Variants in TKFC observed in about 807,000 individuals in gnomAD.
TKFC encodes the protein triokinase and FMN cyclase.
In TKFC, 46 loss-of-function variants were observed where a neutral mutation model predicts 61.0. That is an observed-to-expected ratio of 0.75 (90% confidence interval 0.60 to 0.96). TKFC has a LOEUF of 0.96. Among genes scored for constraint, TKFC ranks in the 50% least tolerant of loss-of-function variants. The pLI, the probability that TKFC is intolerant of heterozygous loss-of-function variation, is 0.00. For synonymous variants in TKFC, 314 were observed against 330.1 expected (o/e 0.95, Z 0.53); for missense variants, 715 against 777.5 (o/e 0.92, Z 0.96).
chr11:61,338,431 C>G (rs907786561), intron 3 of TKFC, among the ~76,000 whole-genome samples: 3 of 152,192 alleles, frequency 2.0e-5, no homozygotes, highest in Non-Finnish European at 4.4e-5. Context: ...CACCCCGATT[C>G]CATGAAGGCT....
rs1156672771 is a variant in TKFC, at chr11:61,347,406, G to A, written c.*903G>A. The stretch of plus-strand genomic sequence containing the variant: ...AAAAATACAAAATTAGCCAGGCATA[G>A]TAGTGTGTGCCTATAGTCCTAACTT... On this transcript the variant is annotated 3_prime_UTR_variant, in exon 18 of 18. Coordinates refer to ENST00000394900, the MANE Select transcript of TKFC (RefSeq NM_015533.4). 12 of 858,816 alleles carry A rather than the reference G, an allele frequency of 1.4e-5. No individual in the cohort carries two copies. The highest frequency in any genetic ancestry group is 1.7e-5 in the Non-Finnish European group (12 of 714,678). The allele number at this position is 858,816 out of a possible 1,614,324, so 53.2% of individuals were successfully genotyped here. A position where few individuals can be genotyped will look rare whatever the true frequency, so the allele number is the denominator to read the frequency against.
intron 2 of TKFC, among the ~76,000 whole-genome samples, chr11:61,337,538 G>GT (rs1856662165): frequency 6.6e-6 from 1 of 152,196 alleles, no homozygotes; most frequent in South Asian, 2.1e-4. Context: ...GGGAGCAGCG[G>GT]TGGCTGTGGA....
rs769907742 is a variant in TKFC, at chr11:61,345,259, G to A, written c.1241-1G>A. On this transcript the variant is annotated splice_acceptor_variant, in intron 13 of 17. Coordinates refer to ENST00000394900, the MANE Select transcript of TKFC (RefSeq NM_015533.4). LOFTEE classifies it high-confidence loss of function. ...TCCTCCCCATCTCTCTCTGCCTGCA[G>A]CAATCCAGGAGTGGCTGAAGGAGGG... The A allele has an allele frequency of 6.5e-7, 1 of 1,544,638 alleles. No individual in the cohort carries two copies. Among genetic ancestry groups the A allele is most frequent in the Non-Finnish European group, 8.7e-7 (1 of 1,143,536 alleles).
intron 3 of TKFC, 22 bp downstream of exon 3, chr11:61,338,152 A>G (rs767943728): frequency 6.4e-7 from 1 of 1,552,138 alleles, no homozygotes; most frequent in East Asian, 2.3e-5. Context: ...GGGGTGGGGC[A>G]GGGGGTACTA....
Position 61,345,364 on chromosome 11 carries a change from G to A in TKFC, c.1345G>A (p.Ala449Thr), listed in dbSNP as rs568743065. 1 of 1,600,772 alleles carries A rather than the reference G, an allele frequency of 6.2e-7. No homozygotes were observed. The highest frequency in any genetic ancestry group is 1.7e-5 in the Admixed American group (1 of 59,572). Residue 449 changes from alanine (A) to threonine (T), a missense_variant and splice_region_variant, in exon 14 of 18, where the codon GCG becomes ACG. Ala to Thr is a moderately conservative substitution (Grantham distance 58). Transcript: ENST00000394900. ...GGAGAAGATGGGAGGCTCATCTGGGGCGGTGGGTGCCTGGGGGCTGAAGGG... is the reference window on the plus strand; with the variant it reads ...GGAGAAGATGGGAGGCTCATCTGGGACGGTGGGTGCCTGGGGGCTGAAGGG... ...LLEKMGGSSG[A>T]LYGLFLTAAA...
rs1857223816 is a variant in TKFC, at chr11:61,347,953, C to T, written c.*1450C>T. On this transcript the variant is annotated 3_prime_UTR_variant, in exon 18 of 18. Coordinates refer to ENST00000394900, the MANE Select transcript of TKFC (RefSeq NM_015533.4). ...AGCCCCTCCCAGGTCATCTGCTCTA[C>T]CACTAGCTGGTAGGAAAGAGCCTCC... is the stretch of plus-strand genomic sequence containing the variant. 1 of 985,302 alleles carries T rather than the reference C, an allele frequency of 1.0e-6. No individual in the cohort carries two copies. Among genetic ancestry groups the T allele is most frequent in the Admixed American group, 6.1e-5 (1 of 16,262 alleles). The allele number at this position is 985,302 out of a possible 1,614,324, so 61.0% of individuals were successfully genotyped here.
chr11:61,345,653 C>G (rs1287649734), intron 15 of TKFC, 59 bp from the exon 16 acceptor site: 30 of 1,613,768 alleles, frequency 1.9e-5, no homozygotes, highest in Non-Finnish European at 2.5e-5. Flanking sequence ...TAGCCCAACC[C>G]TCAGAGTGAT....
rs775704737 is a variant in TKFC, at chr11:61,334,687, G to C, written c.-42G>C. On this transcript the variant is annotated 5_prime_UTR_variant, in exon 2 of 18. Coordinates refer to ENST00000394900, the MANE Select transcript of TKFC (RefSeq NM_015533.4). ...GGATTGTCCATCCTCCAGCAGCTCA[G>C]TGCAACGGTGTGAACTCAGCCTGTT... 6.2e-7 allele frequency: 1 copy of C among 1,613,996 alleles called. No homozygotes were observed. Among genetic ancestry groups the C allele is most frequent in the Admixed American group, 1.7e-5 (1 of 60,008 alleles).
At chr11:61,336,486 ACT>A (rs1037388188) in intron 2 of TKFC, 7 of 152,118 alleles carry the variant, frequency 4.6e-5, no homozygotes, top group African/African-American at 1.7e-4. Flanking sequence ...TGTTCAGCAG[ACT>A]CTGGCTTTTC....
Position 61,346,656 on chromosome 11 carries a change from C to A in TKFC, c.*153C>A. On this transcript the variant is annotated 3_prime_UTR_variant, in exon 18 of 18. Transcript: ENST00000394900. The surrounding 1 kb of genome is among the most constrained non-coding windows in gnomAD (Gnocchi z 4.1). ...GAGCAGGAAATCCTCCACCAAGCTT[C>A]CAGAACTACAGACAGCACCCAGAGT... The A allele has an allele frequency of 6.9e-7, 1 of 1,454,892 alleles. No individual in the cohort carries two copies. The highest frequency in any genetic ancestry group is 2.4e-5 in the East Asian group (1 of 41,942). 90.1% of individuals were successfully genotyped at this position (1,454,892 alleles called of 1,614,324 possible).
intron 2 of TKFC, among the ~76,000 whole-genome samples, chr11:61,336,910 G>T (rs1856630777): frequency 6.6e-6 from 1 of 152,048 alleles, no homozygotes; most frequent in African/African-American, 2.4e-5. Context: ...CCAGGCCTTG[G>T]CTTATGCTCC....
Position 61,345,293 on chromosome 11 carries a change from CT to C in TKFC, c.1275del (p.Ala426ProfsTer30). Reference sequence around the variant, plus strand: ...GAGTGGCTGAAGGAGGGCCCACCCCCTGCCAGCCCTGCCCAGCTGCTCTCCA... The same window carrying C: ...GAGTGGCTGAAGGAGGGCCCACCCCCGCCAGCCCTGCCCAGCTGCTCTCCA... ...IQEWLKEGPP[P>X]ASPAQLLSKL... On this transcript the variant is annotated frameshift_variant, in exon 14 of 18. Transcript: ENST00000394900. LOFTEE classifies it high-confidence loss of function. 4 of 1,596,176 alleles carry C rather than the reference CT, an allele frequency of 2.5e-6. No individual in the cohort carries two copies. The highest frequency in any genetic ancestry group is 3.4e-6 in the Non-Finnish European group (4 of 1,168,978).
chr11:61,343,833 G>C (rs1289513347), intron 11 of TKFC, 23 bp from the exon 12 acceptor site: 16 of 1,602,464 alleles, frequency 1.0e-5, no homozygotes, highest in Non-Finnish European at 1.4e-5. Context: ...CCGTGTCTAA[G>C]AGAGTTATCT....
Position 61,348,674 on chromosome 11 carries a change from GC to G in TKFC, c.*2173del. ...ATGGTCTCTGAGGAAGCTGGCCCTT[GC>G]CACACACCACATTTGCCAGCGCCTT... On this transcript the variant is annotated 3_prime_UTR_variant, in exon 18 of 18. Transcript: ENST00000394900. 4.9e-6 allele frequency: 1 copy of G among 206,104 alleles called. No homozygotes were observed. The highest frequency in any genetic ancestry group is 8.5e-6 in the Non-Finnish European group (1 of 117,364). The allele number at this position is 206,104 out of a possible 1,614,324, so 12.8% of individuals were successfully genotyped here.
At chr11:61,349,595 CG>C (rs1565063951), downstream of TKFC, 2 of 702,850 alleles carry the variant, frequency 2.8e-6, no homozygotes, top group Non-Finnish European at 5.2e-6. Context: ...GTGACAGACA[CG>C]TAAGTCACAG....
At position 61,345,460 on chromosome 11, in the gene TKFC, A is replaced by G. The variant is rs771889020; in HGVS notation, c.1348-2A>G. On this transcript the variant is annotated splice_acceptor_variant, in intron 14 of 17. Transcript: ENST00000394900. LOFTEE classifies it high-confidence loss of function. ...CATGCTCAGCGTTGTCATCTTCCCC[A>G]GCTCTATGGCCTGTTCCTGACTGCG... 1.9e-6 allele frequency: 3 copies of G among 1,612,598 alleles called. No individual in the cohort carries two copies. The highest frequency in any genetic ancestry group is 2.5e-6 in the Non-Finnish European group (3 of 1,179,310).
rs1308705801 is a variant in TKFC at position 61,341,307 on chromosome 11, G to A, written c.487-129G>A. On this transcript the variant is annotated intron_variant, in intron 5 of 17. Transcript: ENST00000394900. ...TTGCTCTTCTGCCCTAAATGTGATG[G>A]GCCAGGTTGAGTGTGAAAATCCTGA... 3.1e-6 allele frequency: 3 copies of A among 975,102 alleles called. No individual in the cohort carries two copies. The African/African-American group carries it at 4.8e-5, about 16-fold the overall frequency. The allele number at this position is 975,102 out of a possible 1,614,324, so 60.4% of individuals were successfully genotyped here. A position where few individuals can be genotyped will look rare whatever the true frequency, so the allele number is the denominator to read the frequency against.
Position 61,334,869 on chromosome 11 carries a change from C to T in TKFC, c.3+138C>T, listed in dbSNP as rs1213187153. The stretch of plus-strand genomic sequence containing the variant: ...AGGCTCACGGGTGAAGAGAGAGGGT[C>T]ATCCTCTCTCCCAGGGTCTGATCCC... On this transcript the variant is annotated intron_variant, in intron 2 of 17. Transcript: ENST00000394900. The T allele has an allele frequency of 1.4e-5, 18 of 1,265,622 alleles. No individual in the cohort carries two copies. The South Asian group carries it at 2.3e-4, about 16-fold the overall frequency. The allele number at this position is 1,265,622 out of a possible 1,614,324, so 78.4% of individuals were successfully genotyped here.
rs1416826045 is a variant in TKFC at position 61,344,280 on chromosome 11, G to T, written c.1240+7G>T. On this transcript the variant is annotated splice_region_variant and intron_variant, in intron 13 of 17. Transcript: ENST00000394900. ...CACAGCCGTGCGGCCAGAGGTTGGT[G>T]CCAGGGACTTTGCCAAGTGAGGTCA... 6.2e-7 allele frequency: 1 copy of T among 1,610,154 alleles called. No homozygotes were observed. The highest frequency in any genetic ancestry group is 1.7e-5 in the Admixed American group (1 of 59,884).
Sources: gnomAD v4.1 joint callset for allele counts (sites outside exome capture counted in the v4.1 genomes callset) on GRCh38, gnomAD v4.1.1 for gene constraint, Gnocchi (gnomAD v3.1) non-coding constraint, MANE v1.5 for transcripts, NCBI Gene and HGNC (gene_info 2026-07-23, HGNC 2026-07-21) for gene names.